Variants in CUBN observed in about 807,000 individuals in gnomAD.
CUBN encodes the protein 460 kDa receptor.
A neutral mutation model predicts 405.3 loss-of-function variants in CUBN; 282 were observed. That is an observed-to-expected ratio of 0.70 (90% CI 0.63 to 0.77). The LOEUF is 0.77. Among genes scored for constraint, CUBN ranks in the 30% least tolerant of loss-of-function variants. The pLI is 0.00. For missense variants in CUBN, 4,514 were observed against 4,475.2 expected (o/e 1.01, Z -0.25); for synonymous variants, 1,684 against 1,617.0 (o/e 1.04, Z -0.99).
Position 17,083,574 on chromosome 10 carries a change from T to C in CUBN, c.2301+697A>G, listed in dbSNP as rs182351118. 1.2e-4 allele frequency among the ~76,000 whole-genome samples: 16 copies of C among 136,488 alleles called. 1 individual carries two copies. The highest frequency in any genetic ancestry group is 3.8e-3 in the Middle Eastern group (1 of 260). 89.5% of individuals were successfully genotyped at this position (136,488 alleles called of 152,430 possible). On this transcript the variant is annotated intron_variant, in intron 17 of 66. Transcript: ENST00000377833. ...TGCTGTAGTGCTATGGTCAATGCAC[T>C]TCAACTAAGTCTAGCTAGATCTTAT...
intron 4 of CUBN, among the ~76,000 whole-genome samples, 180 bp downstream of exon 4, chr10:17,126,581 A>G (rs963688432): frequency 1.1e-4 from 17 of 152,236 alleles, no homozygotes. Context: ...CATCTGTCTT[A>G]GACTCAGCTC....
At chr10:17,112,753 G>T (rs1312693650) in intron 8 of CUBN, among the ~76,000 whole-genome samples, 1 of 151,926 alleles carries the variant, frequency 6.6e-6, no homozygotes, top group East Asian at 1.9e-4. Context: ...CAATAGGTGT[G>T]TGGGGTTTCT....
chr10:17,040,931 GC>G (rs2131814719), intron 27 of CUBN, 101 bp downstream of exon 27: 1 of 1,086,668 alleles, frequency 9.2e-7, no homozygotes, highest in East Asian at 2.4e-5. Flanking sequence ...GATGCGTGGG[GC>G]AGAGTTAGGG....
At position 17,104,453 on chromosome 10, in the gene CUBN, G is replaced by A; in HGVS notation, c.1383C>T (p.Leu461=). The change falls in exon 12 of 67, where the codon CTC becomes CTT. Residue 461 remains leucine, a synonymous_variant. Coordinates refer to ENST00000377833, the MANE Select transcript of CUBN (RefSeq NM_001081.4). ...GAACCTGACAGAGAGCTCCAGTCCAGAGACGTGTGCATTCACAACTGAAAG... is the reference window on the plus strand; with the variant it reads ...GAACCTGACAGAGAGCTCCAGTCCAAAGACGTGTGCATTCACAACTGAAAG... ...VDSFSCECTR[L]WTGALCQVPQ... 1 of 1,614,004 alleles carries A rather than the reference G, an allele frequency of 6.2e-7. No individual in the cohort carries two copies. The highest frequency in any genetic ancestry group is 8.5e-7 in the Non-Finnish European group (1 of 1,179,998).
intron 56 of CUBN, among the ~76,000 whole-genome samples, chr10:16,880,362 G>A (rs778910640): frequency 8.5e-5 from 13 of 152,152 alleles, no homozygotes; most frequent in Non-Finnish European, 1.9e-4. Context: ...TGTCCAAACT[G>A]CAACTGAGTA....
At chr10:16,936,519 G>GT (rs1295468212) in intron 39 of CUBN, among the ~76,000 whole-genome samples, 1 of 152,156 alleles carries the variant, frequency 6.6e-6, no homozygotes, top group Admixed American at 6.5e-5. Context: ...GATATAAGAA[G>GT]TTAGAAGCAA....
chr10:16,981,132 T>C (rs1833258611), intron 31 of CUBN, among the ~76,000 whole-genome samples: 1 of 149,448 alleles, frequency 6.7e-6, no homozygotes, highest in South Asian at 2.1e-4. Context: ...TGGCCTGCCC[T>C]GCGCCCATCT....
rs763451998 is a variant in CUBN at position 16,938,989 on chromosome 10, G to C, written c.5707C>G (p.Gln1903Glu). 1 of 1,613,672 alleles carries C rather than the reference G, an allele frequency of 6.2e-7. No individual in the cohort carries two copies. The highest frequency in any genetic ancestry group is 1.1e-5 in the South Asian group (1 of 91,072). ...RILEMDIEEI[Q>E]NCYYDKLRIY... Reference sequence around the variant, plus strand: ...CTTAATTTGTCATAATAGCAGTTTTGTATTTCTTCTATGTCCATCTCCAAG... The same window carrying C: ...CTTAATTTGTCATAATAGCAGTTTTCTATTTCTTCTATGTCCATCTCCAAG... The change falls in exon 38 of 67, where the codon CAA becomes GAA. Residue 1903 changes from glutamine to glutamate, a missense_variant. Transcript: ENST00000377833.
In CUBN at chr10:17,050,704, C is replaced by A. The variant is rs556192956; in HGVS notation, c.3140-3101G>T. ...ACACCTCAGGCATTCAAATGAGACA[C>A]CTAAAAGGCCATATCTTACAAGTGA... On this transcript the variant is annotated intron_variant, in intron 22 of 66. Coordinates refer to ENST00000377833, the MANE Select transcript of CUBN (RefSeq NM_001081.4). Among the ~76,000 whole-genome samples, 45 of 152,206 alleles carry A rather than the reference C, an allele frequency of 3.0e-4. 1 individual carries two copies. The South Asian group carries it at 9.4e-3, about 32-fold the overall frequency.
chr10:16,993,013 C>T (rs137921806), intron 28 of CUBN, among the ~76,000 whole-genome samples: 196 of 152,340 alleles, frequency 1.3e-3, no homozygotes, highest in African/African-American at 4.5e-3. Flanking sequence ...GCTCACAGGA[C>T]ATTCTATAAC....
intron 39 of CUBN, among the ~76,000 whole-genome samples, chr10:16,937,253 CTGAT>C (rs1842534529): frequency 6.6e-6 from 1 of 152,064 alleles, no homozygotes; most frequent in African/African-American, 2.4e-5. Context: ...CCTTAACTAA[CTGAT>C]TGTGTGTGTG....
chr10:17,127,520 C>A (rs1275982179), intron 3 of CUBN, among the ~76,000 whole-genome samples: 1 of 151,020 alleles, frequency 6.6e-6, no homozygotes. Flanking sequence ...AGCGACCCTC[C>A]CTCTGTGGCC....
At chr10:17,073,879 G>A (rs565113937) in intron 17 of CUBN, among the ~76,000 whole-genome samples, 1 of 152,318 alleles carries the variant, frequency 6.6e-6, no homozygotes, top group South Asian at 2.1e-4. Flanking sequence ...TCATGGGATT[G>A]TTGAAGCAAA....
chr10:16,933,137 T>A lies in CUBN; in HGVS notation c.6074A>T (p.Asp2025Val), dbSNP rs1160643965. Residue 2025 changes from aspartate to valine, a missense_variant, in exon 40 of 67, where the codon GAC becomes GTC. Around this residue, in one of 5 missense-constraint regions of CUBN, gnomAD observed 1,613 missense variants for 1,542.8 expected, o/e 1.05. Coordinates refer to ENST00000377833, the MANE Select transcript of CUBN (RefSeq NM_001081.4). The part of the protein sequence containing the change: ...STVELNILSL[D>V]IESHRTCAYD... ...GGCACACGTTCGGTGAGATTCAATG[T>A]CCAGGGAAAGAATGTTGAGTTCCAC... 1 of 1,614,068 alleles carries A rather than the reference T, an allele frequency of 6.2e-7. No individual in the cohort carries two copies. Among genetic ancestry groups the A allele is most frequent in the African/African-American group, 1.3e-5 (1 of 75,016 alleles).
Position 17,047,620 on chromosome 10 carries a change from A to C in CUBN, c.3140-17T>G. 6.2e-7 allele frequency: 1 copy of C among 1,606,910 alleles called. No homozygotes were observed. The highest frequency in any genetic ancestry group is 1.1e-5 in the South Asian group (1 of 90,928). On this transcript the variant is annotated splice_polypyrimidine_tract_variant and intron_variant, in intron 22 of 66. Transcript: ENST00000377833. ...GCAAACATGCTGTGAACAGAAACAG[A>C]CCATAAGAGAGAAAATAGAAAATAT...
rs1308536169 is a variant in CUBN at position 16,903,658 on chromosome 10, ATTAT to A, written c.8062+304_8062+307del. Among the ~76,000 whole-genome samples, 7 of 147,656 alleles carry A rather than the reference ATTAT, an allele frequency of 4.7e-5. No individual in the cohort carries two copies. The Admixed American group carries it at 4.7e-4, about 10-fold the overall frequency. On this transcript the variant is annotated intron_variant, in intron 51 of 66. Transcript: ENST00000377833. ...TATTAAATAATAATTATTATTAATA[ATTAT>A]TTATTATTATTAATTATTAAATAAT...
chr10:16,860,930 G>A (rs1434984441), intron 59 of CUBN, among the ~76,000 whole-genome samples: 1 of 152,168 alleles, frequency 6.6e-6, no homozygotes. Flanking sequence ...AATCTGACCA[G>A]ATGATAGCAC....
intron 27 of CUBN, among the ~76,000 whole-genome samples, chr10:17,035,857 G>A (rs1041544668): frequency 6.6e-6 from 1 of 151,304 alleles, no homozygotes; most frequent in Non-Finnish European, 1.5e-5. Flanking sequence ...GTGGGAGGAG[G>A]GAGAGGATCC....
rs2131819682 is a variant in CUBN at position 17,045,274 on chromosome 10, C to G, written c.3491-86G>C. On this transcript the variant is annotated intron_variant, in intron 24 of 66. Transcript: ENST00000377833. ...TTGTCTGCATTAAACTGGTGCCATT[C>G]TACTATCCTTTAAATCAAATTGCAC... The G allele has an allele frequency of 7.8e-6, 10 of 1,280,544 alleles. No individual in the cohort carries two copies. The South Asian group carries it at 1.1e-4, about 14-fold the overall frequency. 79.3% of individuals were successfully genotyped at this position (1,280,544 alleles called of 1,614,324 possible).
Sources: allele counts gnomAD v4.1 joint callset (sites outside exome capture counted in the v4.1 genomes callset), GRCh38; gene constraint gnomAD v4.1.1; regional missense constraint gnomAD v4.1.1; transcripts MANE v1.5; gene names NCBI Gene and HGNC (gene_info 2026-07-23, HGNC 2026-07-21).